The following UBN1 variants were observed in gnomAD, a reference collection of about 807,000 sequenced individuals.
The protein encoded by UBN1 is ubinuclein-1.
In UBN1, 17 loss-of-function variants were observed where a neutral mutation model predicts 108.5. That is an observed-to-expected ratio of 0.16 (90% CI 0.11 to 0.24). UBN1 has a LOEUF of 0.24. Ranked by LOEUF, UBN1 falls within the 10% of genes least tolerant of loss-of-function variation. The pLI is 1.00. For missense variants in UBN1, 1,595 were observed against 1,394.4 expected, an observed-to-expected ratio of 1.14 and a Z score of -2.29; for synonymous variants, 726 against 564.2, an observed-to-expected ratio of 1.29 and a Z score of -4.07.
At chr16:4,849,097 G>A (rs1173270593) in intron 1 of UBN1, among the ~76,000 whole-genome samples, 2 of 151,960 alleles carry the variant, frequency 1.3e-5, no homozygotes, top group Non-Finnish European at 2.9e-5. Flanking sequence ...AGCGAGACTC[G>A]TCCCCCCGCC....
At chr16:4,862,821 A>G (rs1214830103) in intron 7 of UBN1, among the ~76,000 whole-genome samples, 1 of 152,242 alleles carries the variant, frequency 6.6e-6, no homozygotes, top group East Asian at 1.9e-4. Context: ...GGAGCTGAGT[A>G]AACACCTTGT....
chr16:4,856,168 C>G (rs573131676), intron 2 of UBN1, among the ~76,000 whole-genome samples: 1 of 152,232 alleles, frequency 6.6e-6, no homozygotes, highest in African/African-American at 2.4e-5. Flanking sequence ...GGGTTCAAAC[C>G]AAATCAGCAG....
At chr16:4,871,449 C>T in intron 12 of UBN1, 148 bp downstream of exon 12, 1 of 1,181,742 alleles carries the variant, frequency 8.5e-7, no homozygotes, top group Non-Finnish European at 1.1e-6. Flanking sequence ...GGGGGACATG[C>T]AGGTAGCTGG....
In UBN1 at chr16:4,868,879, A is replaced by G; in HGVS notation, c.1157A>G (p.Gln386Arg). 1.2e-6 allele frequency: 2 copies of G among 1,613,970 alleles called. No individual in the cohort carries two copies. The highest frequency in any genetic ancestry group is 1.7e-6 in the Non-Finnish European group (2 of 1,179,878). The change falls in exon 8 of 18, where the codon CAG (glutamine) becomes CGG (arginine). Residue 386 changes from glutamine (Q) to arginine (R), a missense_variant. Coordinates refer to ENST00000262376, the MANE Select transcript of UBN1 (RefSeq NM_001079514.3). ...EGESRQKFFTQDINGILLDIE... is the reference protein window; with the variant it reads ...EGESRQKFFTRDINGILLDIE... ...GAGAGCAGACAGAAGTTCTTCACCC[A>G]GGATATTAATGGAATCCTATTAGAG...
Position 4,882,336 on chromosome 16 carries a change from A to G in UBN1, c.*2204A>G, listed in dbSNP as rs1409101005. On this transcript the variant is annotated 3_prime_UTR_variant, in exon 18 of 18. Transcript: ENST00000262376. ...TGTTAATCTTGTATAAAGCAATTCAATAAATTGTTTCAAGGTTTCCAAAAC... is the reference window on the plus strand; with the variant it reads ...TGTTAATCTTGTATAAAGCAATTCAGTAAATTGTTTCAAGGTTTCCAAAAC... 11 of 152,576 alleles carry G rather than the reference A, an allele frequency of 7.2e-5. No individual in the cohort carries two copies. The highest frequency in any genetic ancestry group is 5.9e-4 in the Admixed American group (9 of 15,266). 9.5% of individuals were successfully genotyped at this position (152,576 alleles called of 1,614,324 possible).
chr16:4,880,445 G>T lies in UBN1; in HGVS notation c.*313G>T. The T allele has an allele frequency of 3.1e-6, 1 of 323,950 alleles. No individual in the cohort carries two copies. The highest frequency in any genetic ancestry group is 6.0e-6 in the Non-Finnish European group (1 of 167,992). 20.1% of individuals were successfully genotyped at this position (323,950 alleles called of 1,614,324 possible). On this transcript the variant is annotated 3_prime_UTR_variant, in exon 18 of 18. Transcript: ENST00000262376. ...GGAGGCACAGTGTTTACAGGCTCTGGTGGCAGAGCAGTTGGCACACCTGTG... is the reference window on the plus strand; with the variant it reads ...GGAGGCACAGTGTTTACAGGCTCTGTTGGCAGAGCAGTTGGCACACCTGTG...
At chr16:4,876,469 A>G (rs1245853335) in intron 15 of UBN1, among the ~76,000 whole-genome samples, 2 of 152,110 alleles carry the variant, frequency 1.3e-5, no homozygotes, top group African/African-American at 4.8e-5. Context: ...AAATATATAT[A>G]CACATATAAA....
At chr16:4,859,238 T>C in intron 5 of UBN1, 79 bp downstream of exon 5, 3 of 1,551,128 alleles carry the variant, frequency 1.9e-6, no homozygotes, top group South Asian at 1.2e-5. Flanking sequence ...CTTGCCAGAA[T>C]ACGTGGCGCT....
intron 10 of UBN1, 49 bp from the exon 11 acceptor site, chr16:4,870,795 G>A (rs375771688): frequency 1.0e-4 from 166 of 1,609,444 alleles, no homozygotes; most frequent in East Asian, 7.6e-4. Flanking sequence ...GGGGAGAGGC[G>A]GTGGGCAGGA....
chr16:4,861,179 C>G (rs1490255153), intron 7 of UBN1, 77 bp downstream of exon 7: 3 of 1,461,084 alleles, frequency 2.1e-6, no homozygotes, highest in African/African-American at 2.8e-5. Flanking sequence ...CTGCGTGAAG[C>G]TTGCCCAGAG....
intron 7 of UBN1, among the ~76,000 whole-genome samples, chr16:4,868,288 A>G (rs1228293011): frequency 2.6e-5 from 4 of 152,204 alleles, no homozygotes; most frequent in African/African-American, 9.7e-5. Flanking sequence ...TTAATAGGTA[A>G]TATGGTGGGT....
intron 1 of UBN1, among the ~76,000 whole-genome samples, chr16:4,849,836 A>G (rs1218472928): frequency 1.3e-5 from 2 of 150,946 alleles, no homozygotes; most frequent in East Asian, 3.9e-4. Flanking sequence ...GGCTCCAGCG[A>G]TCATCCTGCC....
At chr16:4,870,475 G>A (rs138153065) in intron 9 of UBN1, 41 bp from the exon 10 acceptor site, 170 of 1,613,496 alleles carry the variant, frequency 1.1e-4, no homozygotes, top group Admixed American at 4.8e-4. Flanking sequence ...GCGTAAGAGC[G>A]ATGTGTAAAC....
intron 1 of UBN1, chr16:4,852,609 A>G (rs149915277): frequency 4.7e-6 from 1 of 211,800 alleles, no homozygotes; most frequent in East Asian, 1.2e-4. Context: ...TTGGAGGTCT[A>G]AGGCTCTGTC....
chr16:4,850,766 C>G (rs770436056), intron 1 of UBN1, among the ~76,000 whole-genome samples: 1 of 152,126 alleles, frequency 6.6e-6, no homozygotes, highest in South Asian at 2.1e-4. Context: ...TATACAAATA[C>G]GTCTACATGT....
intron 7 of UBN1, among the ~76,000 whole-genome samples, chr16:4,865,039 A>G (rs898368890): frequency 1.3e-5 from 2 of 152,220 alleles, no homozygotes; most frequent in Admixed American, 1.3e-4. Flanking sequence ...TGGAACTCTT[A>G]TAAATCAGCA....
In UBN1 at chr16:4,861,007, C is replaced by T. The variant is rs755464006; in HGVS notation, c.1015C>T (p.Leu339Phe). 7.4e-6 allele frequency: 12 copies of T among 1,614,230 alleles called. 2 individuals carry two copies. The highest frequency in any genetic ancestry group is 9.3e-6 in the Non-Finnish European group (11 of 1,180,048). Residue 339 changes from leucine (L) to phenylalanine (F), a missense_variant, in exon 7 of 18, where the codon CTT becomes TTT. Physicochemically the swap from Leu to Phe is conservative, Grantham distance 22. Coordinates refer to ENST00000262376, the MANE Select transcript of UBN1 (RefSeq NM_001079514.3). Reference protein sequence around the residue: ...FRDMDDGSDSLGVGLDQEFRQ... With the variant: ...FRDMDDGSDSFGVGLDQEFRQ... ...AGATATGGATGATGGAAGTGATTCC[C>T]TTGGGGTGGGATTGGACCAGGAATT...
intron 5 of UBN1, among the ~76,000 whole-genome samples, chr16:4,859,640 C>T (rs7185773): frequency 0.074 from 11,308 of 152,252 alleles, 424 homozygotes; most frequent in Non-Finnish European, 0.085. Flanking sequence ...AGGTTTCAGG[C>T]TCCAGAATGG....
chr16:4,849,691 A>G (rs1000802659), intron 1 of UBN1, among the ~76,000 whole-genome samples: 28 of 151,616 alleles, frequency 1.8e-4, no homozygotes, highest in Non-Finnish European at 3.8e-4. Context: ...TTCCCAGTCT[A>G]AAGCCATCCT....
Sources: allele counts gnomAD v4.1 joint callset (sites outside exome capture counted in the v4.1 genomes callset), GRCh38; gene constraint gnomAD v4.1.1; transcripts MANE v1.5; gene names NCBI Gene and HGNC (gene_info 2026-07-23, HGNC 2026-07-21).